Variants in PHLPP2 observed in about 807,000 individuals in gnomAD.
PHLPP2 encodes PH domain leucine-rich repeat-containing protein phosphatase 2.
PHLPP2 carries 66 observed loss-of-function variants against 124.9 expected under a neutral mutation model. The observed-to-expected ratio is 0.53, with a 90% CI of 0.43 to 0.65. The LOEUF (loss-of-function observed/expected upper bound fraction) is 0.65. Among genes scored for constraint, PHLPP2 ranks in the 30% least tolerant of loss-of-function variants. The probability of loss-of-function intolerance (pLI) is 0.00; values close to 1 mark genes in which losing one functional copy is unlikely to be tolerated. For missense variants in PHLPP2, 1,685 were observed against 1,600.4 expected (o/e 1.05, Z -0.90); for synonymous variants, 681 against 624.7 (o/e 1.09, Z -1.34).
intron 5 of PHLPP2, 33 bp from the exon 6 acceptor site, chr16:71,681,938 C>G (rs1278332236): frequency 6.6e-7 from 1 of 1,524,648 alleles, no homozygotes; most frequent in Non-Finnish European, 8.9e-7. Context: ...GCCTTCTGAG[C>G]TAGTACTGGA....
chr16:71,655,959 C>T (rs2145308891), intron 16 of PHLPP2, among the ~76,000 whole-genome samples: 1 of 152,288 alleles, frequency 6.6e-6, no homozygotes, highest in East Asian at 1.9e-4. Context: ...TACATATTAG[C>T]TTTGCAATGC....
chr16:71,701,301 T>TATC (rs1294169868), intron 3 of PHLPP2, among the ~76,000 whole-genome samples: 3 of 91,420 alleles, frequency 3.3e-5, no homozygotes, highest in Non-Finnish European at 6.4e-5. Flanking sequence ...TCTATCTATC[T>TATC]ATCTATCTAT....
At chr16:71,695,134 A>T (rs554778414) in intron 3 of PHLPP2, among the ~76,000 whole-genome samples, 5 of 152,274 alleles carry the variant, frequency 3.3e-5, no homozygotes, top group African/African-American at 1.2e-4. Flanking sequence ...AAGCCTAATA[A>T]TATTGAAAGG....
At chr16:71,651,498 G>A (rs1261382710) in intron 18 of PHLPP2, among the ~76,000 whole-genome samples, 5 of 152,130 alleles carry the variant, frequency 3.3e-5, no homozygotes. Context: ...AGGAGTTCAA[G>A]TCCAAACTGG....
chr16:71,697,545 G>T (rs1026729492), intron 3 of PHLPP2, among the ~76,000 whole-genome samples: 3 of 152,176 alleles, frequency 2.0e-5, no homozygotes, highest in Non-Finnish European at 2.9e-5. Context: ...ATATGGCTGT[G>T]TTTTAGCCTG....
At chr16:71,705,827 C>T (rs1327727659) in intron 2 of PHLPP2, among the ~76,000 whole-genome samples, 1 of 152,158 alleles carries the variant, frequency 6.6e-6, no homozygotes, top group Non-Finnish European at 1.5e-5. Context: ...TACATATCTA[C>T]CGTAAGAAAG....
rs1397060650 is a variant in PHLPP2, at chr16:71,669,340, G to T, written c.1563C>A (p.Ala521=). The change falls in exon 11 of 19, where the codon GCC becomes GCA. Residue 521 remains alanine (A), a synonymous_variant. Transcript: ENST00000568954. ...RNLLECVPDW[A]CEAKKIEVLD... Reference sequence around the variant, plus strand: ...ATACTTCTATCTTCTTTGCTTCACAGGCCCAGTCAGGGACACACTCTAGCA... The same window carrying T: ...ATACTTCTATCTTCTTTGCTTCACATGCCCAGTCAGGGACACACTCTAGCA... 2 of 1,611,970 alleles carry T rather than the reference G, an allele frequency of 1.2e-6. No homozygotes were observed. The highest frequency in any genetic ancestry group is 2.7e-5 in the African/African-American group (2 of 74,902).
intron 1 of PHLPP2, among the ~76,000 whole-genome samples, chr16:71,717,093 G>T (rs6499532): frequency 6.6e-6 from 1 of 151,922 alleles, no homozygotes; most frequent in African/African-American, 2.4e-5. Flanking sequence ...ACTTGGGGGG[G>T]AAAATTCCCA....
chr16:71,720,548 C>T (rs1375955760), intron 1 of PHLPP2, among the ~76,000 whole-genome samples: 1 of 152,136 alleles, frequency 6.6e-6, no homozygotes, highest in East Asian at 1.9e-4. Flanking sequence ...AAGTAACTCT[C>T]CATATTCAGT....
At chr16:71,712,206 C>T (rs555575196) in intron 2 of PHLPP2, among the ~76,000 whole-genome samples, 4 of 152,344 alleles carry the variant, frequency 2.6e-5, no homozygotes, top group African/African-American at 9.6e-5. Flanking sequence ...CATCATCATC[C>T]TTAGCTGGAT....
intron 10 of PHLPP2, among the ~76,000 whole-genome samples, chr16:71,671,931 C>G (rs767586183): frequency 5.0e-5 from 7 of 140,136 alleles, no homozygotes; most frequent in Non-Finnish European, 9.6e-5. Context: ...CAAACAAACA[C>G]CCACTATCTA....
At chr16:71,671,936 T>G (rs1209262943) in intron 10 of PHLPP2, among the ~76,000 whole-genome samples, 4 of 148,346 alleles carry the variant, frequency 2.7e-5, no homozygotes, top group African/African-American at 9.9e-5. Context: ...AAACACCCAC[T>G]ATCTAAAAAT....
At chr16:71,723,055 C>T (rs2045408276) in intron 1 of PHLPP2, 2 of 152,374 alleles carry the variant, frequency 1.3e-5, no homozygotes, top group Admixed American at 1.3e-4. Flanking sequence ...AACGGCTCCC[C>T]CATTCCGTCT....
intron 17 of PHLPP2, among the ~76,000 whole-genome samples, chr16:71,654,049 G>T (rs1249907835): frequency 1.3e-5 from 2 of 151,778 alleles, no homozygotes; most frequent in Non-Finnish European, 2.9e-5. Context: ...CAAAAAATTA[G>T]CCGGGTGAGG....
chr16:71,656,724 T>C (rs2044745138), intron 15 of PHLPP2, 43 bp from the exon 16 acceptor site: 1 of 1,189,450 alleles, frequency 8.4e-7, no homozygotes, highest in African/African-American at 1.5e-5. Flanking sequence ...TTCTTCTGTA[T>C]TTTACAAAAA....
Position 71,649,991 on chromosome 16 carries a change from GT to G in PHLPP2, c.2870del (p.Tyr957SerfsTer17). On this transcript the variant is annotated frameshift_variant, in exon 19 of 19. Coordinates refer to ENST00000568954, the MANE Select transcript of PHLPP2 (RefSeq NM_015020.3). LOFTEE classifies it high-confidence loss of function. Reference protein sequence around the residue: ...TCCTRMLGCTYLYPWILPKPH... With the variant: ...TCCTRMLGCTXLYPWILPKPH... ...GCTTGGGGAGGATCCAAGGGTAGAGGTATGTACAGCCCAGCATCCGGGTACA... is the reference window on the plus strand; with the variant it reads ...GCTTGGGGAGGATCCAAGGGTAGAGGATGTACAGCCCAGCATCCGGGTACA... The G allele has an allele frequency of 6.2e-7, 1 of 1,613,386 alleles. No individual in the cohort carries two copies. The highest frequency in any genetic ancestry group is 8.5e-7 in the Non-Finnish European group (1 of 1,180,004).
At position 71,667,093 on chromosome 16, in the gene PHLPP2, T is replaced by C. The variant is rs963667037; in HGVS notation, c.1784+85A>G. ...TTAGGTAAACGCTCTGTAAATACAG[T>C]TCCAAAGGTCACTCCAATGATAAGT... On this transcript the variant is annotated intron_variant, in intron 12 of 18. Coordinates refer to ENST00000568954, the MANE Select transcript of PHLPP2 (RefSeq NM_015020.3). The C allele has an allele frequency of 8.4e-6, 10 of 1,188,678 alleles. No homozygotes were observed. The South Asian group carries it at 1.5e-4, about 17-fold the overall frequency. 73.6% of individuals were successfully genotyped at this position (1,188,678 alleles called of 1,614,324 possible). A position where few individuals can be genotyped will look rare whatever the true frequency, so the allele number is the denominator to read the frequency against.
At chr16:71,702,491 TA>T (rs1366373250) in intron 3 of PHLPP2, 106 bp downstream of exon 3, 2 of 956,690 alleles carry the variant, frequency 2.1e-6, no homozygotes, top group Admixed American at 2.2e-5. Context: ...TTAATTGGCT[TA>T]AAACTAGCTT....
intron 9 of PHLPP2, among the ~76,000 whole-genome samples, chr16:71,674,568 C>CT (rs1339085135): frequency 1.3e-5 from 2 of 149,176 alleles, no homozygotes; most frequent in Non-Finnish European, 3.0e-5. Flanking sequence ...TAATTATGCA[C>CT]TTTTCCTTGC....
Sources: allele counts gnomAD v4.1 joint callset (sites outside exome capture counted in the v4.1 genomes callset), GRCh38; gene constraint gnomAD v4.1.1; transcripts MANE v1.5; gene names NCBI Gene and HGNC (gene_info 2026-07-23, HGNC 2026-07-21).